CFAP58: variants seen among roughly 807,000 people sequenced by gnomAD.
The protein encoded by CFAP58 is cilia- and flagella-associated protein 58.
Under a neutral mutation model 119.5 loss-of-function variants are expected in CFAP58, and 88 were observed. The observed-to-expected ratio is 0.74, with a 90% CI of 0.62 to 0.88. CFAP58 has a LOEUF of 0.88. CFAP58 is among the 40% of genes least tolerant of loss of function. The pLI, the probability that CFAP58 is intolerant of heterozygous loss-of-function variation, is 0.00. For synonymous variants in CFAP58, 365 were observed against 366.3 expected (o/e 1.00, Z 0.04); for missense variants, 990 against 1,021.2 (o/e 0.97, Z 0.42).
rs2014503802 is a variant in CFAP58 at position 104,353,911 on chromosome 10, G to C, written c.9+5G>C. The C allele has an allele frequency of 6.2e-7, 1 of 1,613,630 alleles. No individual in the cohort carries two copies. The highest frequency in any genetic ancestry group is 1.3e-5 in the African/African-American group (1 of 75,054). The stretch of plus-strand genomic sequence containing the variant: ...GAGAGCATCAGGATGGCTGAGGTCA[G>C]GAGTCAGCGCCCCTCTGTCGCCTTT... On this transcript the variant is annotated splice_donor_5th_base_variant and intron_variant, in intron 1 of 17. Transcript: ENST00000369704.
chr10:104,365,854 G>A lies in CFAP58; in HGVS notation c.638G>A (p.Arg213Gln), dbSNP rs200540490. 49 of 1,612,614 alleles carry A rather than the reference G, an allele frequency of 3.0e-5. 1 individual carries two copies. The highest frequency in any genetic ancestry group is 9.9e-5 in the South Asian group (9 of 90,910). ...CAGCAACGTCAGAACGAAGCTTCCC[G>A]GGAGTTCCGGAAGAAGGAAAAACTA... ...EIQQRQNEAS[R>Q]EFRKKEKLEK... Residue 213 changes from arginine to glutamine, a missense_variant, in exon 5 of 18, where the codon CGG becomes CAG. Coordinates refer to ENST00000369704, the MANE Select transcript of CFAP58 (RefSeq NM_001008723.2).
chr10:104,397,245 C>A (rs1389213055), intron 11 of CFAP58, among the ~76,000 whole-genome samples: 2 of 152,156 alleles, frequency 1.3e-5, no homozygotes, highest in Non-Finnish European at 2.9e-5. Flanking sequence ...AACAGAAAGG[C>A]TGGTTCTTTG....
At chr10:104,345,768 A>G in the CFAP58 span, among the ~76,000 whole-genome samples, 4 of 152,104 alleles carry the variant, frequency 2.6e-5, no homozygotes, top group Admixed American at 2.6e-4. Flanking sequence ...CTAACTGGAC[A>G]AATAAGGAGT....
intron 9 of CFAP58, among the ~76,000 whole-genome samples, chr10:104,383,938 AT>A (rs1366013900): frequency 1.3e-5 from 2 of 152,156 alleles, no homozygotes; most frequent in Non-Finnish European, 2.9e-5. Flanking sequence ...TTGACCCAGA[AT>A]TTTCCTTTTT....
At chr10:104,377,765 C>T (rs1437028604) in intron 8 of CFAP58, among the ~76,000 whole-genome samples, 1 of 152,186 alleles carries the variant, frequency 6.6e-6, no homozygotes, top group Admixed American at 6.5e-5. Flanking sequence ...TAACAAAATA[C>T]ACTATACTTT....
chr10:104,391,505 A>G (rs1463654078), intron 9 of CFAP58, among the ~76,000 whole-genome samples: 1 of 152,186 alleles, frequency 6.6e-6, no homozygotes, highest in Non-Finnish European at 1.5e-5. Flanking sequence ...GGACTTTTTA[A>G]AGAAGTTTAC....
chr10:104,342,518 G>T, the CFAP58 span, among the ~76,000 whole-genome samples: 1 of 152,064 alleles, frequency 6.6e-6, no homozygotes, highest in Non-Finnish European at 1.5e-5. Flanking sequence ...TGCTAGATGA[G>T]GCTTCACATT....
chr10:104,421,138 T>C (rs1419954717), intron 15 of CFAP58, among the ~76,000 whole-genome samples: 5 of 152,198 alleles, frequency 3.3e-5, no homozygotes, highest in African/African-American at 7.2e-5. Flanking sequence ...CAGATCTGAC[T>C]ACAGAGGTTC....
intron 11 of CFAP58, among the ~76,000 whole-genome samples, chr10:104,394,994 C>T (rs1164175515): frequency 6.6e-6 from 1 of 152,146 alleles, no homozygotes; most frequent in Non-Finnish European, 1.5e-5. Context: ...CATCTCTTTC[C>T]CTTTAAAGGA....
upstream of CFAP58, among the ~76,000 whole-genome samples, chr10:104,349,319 GAGGTT>G (rs1466455916): frequency 1.3e-5 from 2 of 151,962 alleles, no homozygotes; most frequent in Non-Finnish European, 1.5e-5. Flanking sequence ...CACAGTTATG[GAGGTT>G]AGAAGTCCAA....
intron 15 of CFAP58, among the ~76,000 whole-genome samples, chr10:104,422,331 C>T (rs775123816): frequency 6.6e-6 from 1 of 152,218 alleles, no homozygotes; most frequent in Non-Finnish European, 1.5e-5. Context: ...AGAGCAGTCT[C>T]TCACTTTCCT....
At chr10:104,349,317 T>C (rs1250818482), upstream of CFAP58, among the ~76,000 whole-genome samples, 1 of 152,010 alleles carries the variant, frequency 6.6e-6, no homozygotes, top group African/African-American at 2.4e-5. Flanking sequence ...CTCACAGTTA[T>C]GGAGGTTAGA....
chr10:104,380,531 C>T (rs1334795734), intron 9 of CFAP58, among the ~76,000 whole-genome samples: 11 of 152,048 alleles, frequency 7.2e-5, no homozygotes, highest in Non-Finnish European at 1.5e-4. Context: ...CCAGGGCTGC[C>T]AGCATCATCT....
At chr10:104,418,310 A>G (rs1432614051) in intron 15 of CFAP58, among the ~76,000 whole-genome samples, 1 of 152,174 alleles carries the variant, frequency 6.6e-6, no homozygotes, top group African/African-American at 2.4e-5. Context: ...GCACTTTGGG[A>G]GGCCGAGGCA....
At chr10:104,426,408 C>A (rs889959379) in intron 15 of CFAP58, among the ~76,000 whole-genome samples, 1 of 151,986 alleles carries the variant, frequency 6.6e-6, no homozygotes, top group Non-Finnish European at 1.5e-5. Context: ...CCATACCACA[C>A]CCCTCCTCCC....
At chr10:104,360,380 G>T (rs1454133882) in intron 2 of CFAP58, among the ~76,000 whole-genome samples, 1 of 151,966 alleles carries the variant, frequency 6.6e-6, no homozygotes, top group African/African-American at 2.4e-5. Context: ...CTTCTTGGGA[G>T]GCCTCAGGAA....
intron 15 of CFAP58, among the ~76,000 whole-genome samples, chr10:104,439,332 CTATAG>C (rs943077760): frequency 6.6e-6 from 1 of 151,970 alleles, no homozygotes; most frequent in Non-Finnish European, 1.5e-5. Flanking sequence ...AAAATGTGCA[CTATAG>C]TAGTCAGATA....
chr10:104,400,842 A>G lies in CFAP58; in HGVS notation c.1978A>G (p.Lys660Glu). Residue 660 changes from lysine to glutamate, a missense_variant, in exon 13 of 18, where the codon AAG (lysine) becomes GAG (glutamate). Physicochemically the swap from Lys to Glu is moderately conservative, Grantham distance 56. Coordinates refer to ENST00000369704, the MANE Select transcript of CFAP58 (RefSeq NM_001008723.2). Reference sequence around the variant, plus strand: ...CATGAGAATCCTCAGACTTGAGATCAAGAAGCTTCGCCGGGAAAAGGGGAT... The same window carrying G: ...CATGAGAATCCTCAGACTTGAGATCGAGAAGCTTCGCCGGGAAAAGGGGAT... ...EDMRILRLEI[K>E]KLRREKGILA... 6.2e-7 allele frequency: 1 copy of G among 1,614,198 alleles called. No individual in the cohort carries two copies. The highest frequency in any genetic ancestry group is 8.5e-7 in the Non-Finnish European group (1 of 1,180,030).
chr10:104,421,473 A>G (rs2012657451), intron 15 of CFAP58, among the ~76,000 whole-genome samples: 1 of 152,220 alleles, frequency 6.6e-6, no homozygotes, highest in African/African-American at 2.4e-5. Flanking sequence ...AAGACCCACT[A>G]TGTCCACTGT....
Sources: gnomAD v4.1 joint callset for allele counts (sites outside exome capture counted in the v4.1 genomes callset) on GRCh38, gnomAD v4.1.1 for gene constraint, MANE v1.5 for transcripts, NCBI Gene and HGNC (gene_info 2026-07-23, HGNC 2026-07-21) for gene names.